Variants in DTNA observed in about 807,000 individuals in gnomAD.
The protein encoded by DTNA is dystrobrevin alpha.
Under a neutral mutation model 100.7 loss-of-function variants are expected in DTNA, and 43 were observed. That is an observed-to-expected ratio of 0.43 (90% CI 0.33 to 0.55). The LOEUF (loss-of-function observed/expected upper bound fraction) is 0.55. Ranked by LOEUF, DTNA falls within the 20% of genes least tolerant of loss-of-function variation. The pLI is 0.04. For missense variants in DTNA, 798 were observed against 953.9 expected, an observed-to-expected ratio of 0.84 and a Z score of 2.15; for synonymous variants, 349 against 347.9, an observed-to-expected ratio of 1.00 and a Z score of -0.04.
At chr18:34,863,128 G>A (rs1226601959) in intron 16 of DTNA, among the ~76,000 whole-genome samples, 1 of 152,148 alleles carries the variant, frequency 6.6e-6, no homozygotes, top group African/African-American at 2.4e-5. Flanking sequence ...TTCAGTAATG[G>A]ATTTGGAATT....
intron 14 of DTNA, 109 bp downstream of exon 14, chr18:34,848,492 G>A: frequency 5.9e-6 from 7 of 1,189,674 alleles, no homozygotes; most frequent in Non-Finnish European, 8.5e-6. Flanking sequence ...GACAATTTGT[G>A]CTAATTTATT....
chr18:34,699,604 G>A (rs905166741), intron 1 of DTNA, among the ~76,000 whole-genome samples: 29 of 152,122 alleles, frequency 1.9e-4, no homozygotes, highest in Non-Finnish European at 3.1e-4. Context: ...ACAATGCCCC[G>A]CAGACTTTCC....
At chr18:34,780,176 C>A (rs139761065) in intron 3 of DTNA, among the ~76,000 whole-genome samples, 1 of 152,220 alleles carries the variant, frequency 6.6e-6, no homozygotes, top group East Asian at 1.9e-4. Flanking sequence ...TGGGCTAGGA[C>A]GTCTGCTTTA....
intron 1 of DTNA, among the ~76,000 whole-genome samples, chr18:34,699,601 C>T (rs1321884850): frequency 1.3e-5 from 2 of 152,164 alleles, no homozygotes; most frequent in African/African-American, 2.4e-5. Flanking sequence ...TACACAATGC[C>T]CCGCAGACTT....
chr18:34,859,525 G>A (rs1228174805), intron 16 of DTNA, among the ~76,000 whole-genome samples: 1 of 152,166 alleles, frequency 6.6e-6, no homozygotes, highest in African/African-American at 2.4e-5. Flanking sequence ...CTGAAGTGAA[G>A]TTACAAAGTG....
intron 4 of DTNA, among the ~76,000 whole-genome samples, chr18:34,802,084 G>A (rs76954672): frequency 0.025 from 3,863 of 152,336 alleles, 169 homozygotes; most frequent in African/African-American, 0.087. Context: ...TGCACATGAA[G>A]TTGAAGGCAT....
rs760596186 is a variant in DTNA, at chr18:34,820,343, CTG to C, written c.877-445_877-444del. On this transcript the variant is annotated intron_variant, in intron 8 of 22. Transcript: ENST00000444659. ...AGAATCAGGTCTGATGCTGTCATGC[CTG>C]TGATGTAAACTCTTCATGGTCTGCC... 7.2e-5 allele frequency among the ~76,000 whole-genome samples: 11 copies of C among 152,220 alleles called. 1 individual carries two copies. The South Asian group carries it at 1.0e-3, about 14-fold the overall frequency.
chr18:34,813,708 C>A (rs925330495), intron 6 of DTNA, among the ~76,000 whole-genome samples: 3 of 151,860 alleles, frequency 2.0e-5, no homozygotes, highest in African/African-American at 7.3e-5. Flanking sequence ...CAAAAATTAG[C>A]CGGGCATGGT....
chr18:34,636,736 A>G (rs2058709974), intron 1 of DTNA, among the ~76,000 whole-genome samples: 1 of 152,152 alleles, frequency 6.6e-6, no homozygotes, highest in South Asian at 2.1e-4. Context: ...GCTTCTTTCT[A>G]AGTTTGCCTT....
chr18:34,816,249 C>CA (rs2095594938), intron 7 of DTNA, among the ~76,000 whole-genome samples: 1 of 152,130 alleles, frequency 6.6e-6, no homozygotes, highest in Non-Finnish European at 1.5e-5. Flanking sequence ...AATTACAAGT[C>CA]AGGTGTGGTT....
At chr18:34,862,570 A>G (rs1280758891) in intron 16 of DTNA, among the ~76,000 whole-genome samples, 2 of 152,128 alleles carry the variant, frequency 1.3e-5, no homozygotes, top group African/African-American at 4.8e-5. Flanking sequence ...AGGCTGAGGC[A>G]GGAGGAGCTC....
At position 34,667,263 on chromosome 18, in the gene DTNA, A is replaced by T. The variant is rs573197325; in HGVS notation, c.-1-88713A>T. ...GTATAAGAATGCTTGTGATTTTTGC[A>T]CAATGATTTTGTATCCTGAGACTTT... On this transcript the variant is annotated intron_variant, in intron 1 of 19. Transcript: ENST00000283365. Among the ~76,000 whole-genome samples, 4 of 152,328 alleles carry T rather than the reference A, an allele frequency of 2.6e-5. No individual in the cohort carries two copies. The South Asian group carries it at 8.3e-4, about 32-fold the overall frequency.
chr18:34,869,014 A>G (rs1043498526), intron 17 of DTNA, among the ~76,000 whole-genome samples: 2 of 152,208 alleles, frequency 1.3e-5, no homozygotes, highest in African/African-American at 2.4e-5. Flanking sequence ...CTTTGACTCC[A>G]GAAAGTAAGG....
chr18:34,746,033 T>C (rs2091515814), intron 1 of DTNA, among the ~76,000 whole-genome samples: 1 of 152,176 alleles, frequency 6.6e-6, no homozygotes, highest in African/African-American at 2.4e-5. Context: ...GGAATTACAT[T>C]TTTAAAAGTA....
At chr18:34,528,418 G>T (rs1023295968) in intron 1 of DTNA, among the ~76,000 whole-genome samples, 1 of 151,904 alleles carries the variant, frequency 6.6e-6, no homozygotes, top group African/African-American at 2.4e-5. Context: ...CAAAACATGG[G>T]AATTTCAGTA....
At chr18:34,866,318 A>G in intron 17 of DTNA, 1 of 1,476,168 alleles carries the variant, frequency 6.8e-7, no homozygotes, top group East Asian at 2.5e-5. Flanking sequence ...CATTTTTTAT[A>G]ACTATCACTA....
At chr18:34,651,759 A>C (rs2060469502) in intron 1 of DTNA, among the ~76,000 whole-genome samples, 1 of 152,128 alleles carries the variant, frequency 6.6e-6, no homozygotes, top group African/African-American at 2.4e-5. Context: ...TCCTGGAAGA[A>C]GTGATGTTAA....
At chr18:34,495,745 A>G (rs936370618) in intron 1 of DTNA, among the ~76,000 whole-genome samples, 4 of 152,214 alleles carry the variant, frequency 2.6e-5, no homozygotes, top group African/African-American at 4.8e-5. Flanking sequence ...ACTGAAATCA[A>G]ATTTTCTCAT....
At chr18:34,665,919 G>A (rs1400174149) in intron 1 of DTNA, among the ~76,000 whole-genome samples, 2 of 152,118 alleles carry the variant, frequency 1.3e-5, no homozygotes, top group East Asian at 3.9e-4. Flanking sequence ...ATGATTTACA[G>A]TCCTTTGGGT....
Sources: allele counts gnomAD v4.1 joint callset (sites outside exome capture counted in the v4.1 genomes callset), GRCh38; gene constraint gnomAD v4.1.1; transcripts MANE v1.5; gene names NCBI Gene and HGNC (gene_info 2026-07-23, HGNC 2026-07-21).